ARHGAP26: variants seen among roughly 807,000 people sequenced by gnomAD.
ARHGAP26 encodes the protein rho GTPase-activating protein 26.
Under a neutral mutation model 104.8 loss-of-function variants are expected in ARHGAP26, and 38 were observed. The ratio of observed to expected loss-of-function variants is 0.36; its 90% confidence interval spans 0.28 to 0.48. ARHGAP26 has a LOEUF of 0.48. ARHGAP26 is among the 20% of genes least tolerant of loss of function. The pLI is 0.99. For synonymous variants in ARHGAP26, 341 were observed against 340.0 expected (o/e 1.00, Z -0.03); for missense variants, 704 against 947.9 (o/e 0.74, Z 3.38).
At chr5:142,947,649 AG>A (rs1320276968) in intron 11 of ARHGAP26, among the ~76,000 whole-genome samples, 3 of 152,184 alleles carry the variant, frequency 2.0e-5, no homozygotes, top group African/African-American at 7.2e-5. Flanking sequence ...ATTAACTTGG[AG>A]GCAATAAATT....
intron 1 of ARHGAP26, among the ~76,000 whole-genome samples, chr5:142,816,692 G>C (rs1001295641): frequency 6.6e-6 from 1 of 152,240 alleles, no homozygotes; most frequent in African/African-American, 2.4e-5. Flanking sequence ...TGCCTTGCAG[G>C]GAAGCAGTGG....
chr5:142,926,310 T>C (rs901704807), intron 10 of ARHGAP26, among the ~76,000 whole-genome samples: 5 of 152,156 alleles, frequency 3.3e-5, no homozygotes, highest in Admixed American at 3.3e-4. Context: ...TAGAGAAAAT[T>C]CCAGATCCTC....
intron 1 of ARHGAP26, among the ~76,000 whole-genome samples, chr5:142,849,598 C>T (rs1018125996): frequency 1.3e-5 from 2 of 152,138 alleles, no homozygotes; most frequent in African/African-American, 4.8e-5. Flanking sequence ...TGGGCTTCTC[C>T]TCCCCAACCA....
At chr5:143,023,218 G>A (rs2152839835) in intron 12 of ARHGAP26, among the ~76,000 whole-genome samples, 1 of 152,326 alleles carries the variant, frequency 6.6e-6, no homozygotes, top group African/African-American at 2.4e-5. Flanking sequence ...ACTCCCTGAT[G>A]GCGTTTTATT....
chr5:142,850,729 A>G (rs776907375), intron 1 of ARHGAP26, among the ~76,000 whole-genome samples: 61 of 152,314 alleles, frequency 4.0e-4, no homozygotes, highest in Non-Finnish European at 6.6e-4. Context: ...CTCCCTTCTC[A>G]TTAGGCTGCT....
At chr5:142,954,322 T>C (rs1768860557) in intron 11 of ARHGAP26, among the ~76,000 whole-genome samples, 1 of 152,256 alleles carries the variant, frequency 6.6e-6, no homozygotes, top group Non-Finnish European at 1.5e-5. Flanking sequence ...CAGAATTTTA[T>C]CTGAGCCTAC....
chr5:142,885,315 T>C lies in ARHGAP26; in HGVS notation c.402T>C (p.Tyr134=). Reference sequence around the variant, plus strand: ...TTTGCCAGGAAGCCAAAAAGAAGTATGACAAAGAGACAGAAAAGTATTGTG... The same window carrying C: ...TTTGCCAGGAAGCCAAAAAGAAGTACGACAAAGAGACAGAAAAGTATTGTG... ...IGAAKEAKKK[Y]DKETEKYCGI... Residue 134 remains tyrosine, a synonymous_variant, in exon 5 of 23, where the codon TAT becomes TAC. Coordinates refer to ENST00000645722, the MANE Select transcript of ARHGAP26 (RefSeq NM_001135608.3). 2 of 1,613,676 alleles carry C rather than the reference T, an allele frequency of 1.2e-6. No homozygotes were observed. The highest frequency in any genetic ancestry group is 1.1e-5 in the South Asian group (1 of 91,030).
intron 9 of ARHGAP26, among the ~76,000 whole-genome samples, chr5:142,911,734 G>A (rs1384865002): frequency 6.6e-6 from 1 of 152,178 alleles, no homozygotes; most frequent in Non-Finnish European, 1.5e-5. Context: ...GACACCTCAT[G>A]TAATCTTTCA....
In ARHGAP26 at chr5:142,793,065, A is replaced by G. The variant is rs137962553; in HGVS notation, c.154+22150A>G. Among the ~76,000 whole-genome samples, 12 of 152,156 alleles carry G rather than the reference A, an allele frequency of 7.9e-5. No homozygotes were observed. The East Asian group carries it at 1.7e-3, about 22-fold the overall frequency. ...GTCAGCTGCATTCTGCCAGCTTTGT[A>G]GAACAGCATGAATCCACTCCTGCCC... On this transcript the variant is annotated intron_variant, in intron 1 of 22. Transcript: ENST00000645722.
chr5:142,789,063 G>A (rs1759251513), intron 1 of ARHGAP26, among the ~76,000 whole-genome samples: 1 of 152,156 alleles, frequency 6.6e-6, no homozygotes, highest in African/African-American at 2.4e-5. Flanking sequence ...TGGAACTATT[G>A]TTATACTGCT....
chr5:142,792,262 C>T (rs1165896235), intron 1 of ARHGAP26, among the ~76,000 whole-genome samples: 1 of 152,164 alleles, frequency 6.6e-6, no homozygotes, highest in Non-Finnish European at 1.5e-5. Flanking sequence ...TGGATAGTTC[C>T]ACATGCATAA....
intron 12 of ARHGAP26, among the ~76,000 whole-genome samples, chr5:143,036,653 G>A (rs2152876390): frequency 6.6e-6 from 1 of 152,266 alleles, no homozygotes; most frequent in South Asian, 2.1e-4. Context: ...AAGTCTCCAT[G>A]TATTGGCTCT....
chr5:143,030,550 G>A (rs1781694985), intron 12 of ARHGAP26, among the ~76,000 whole-genome samples: 2 of 152,220 alleles, frequency 1.3e-5, no homozygotes, highest in African/African-American at 4.8e-5. Context: ...AGGAAGGAAG[G>A]AAGTGGTTAG....
At chr5:142,845,194 G>T (rs1378914817) in intron 1 of ARHGAP26, among the ~76,000 whole-genome samples, 1 of 152,162 alleles carries the variant, frequency 6.6e-6, no homozygotes, top group African/African-American at 2.4e-5. Context: ...AGGAGAGGGA[G>T]CAGCAAAGAC....
rs1221089293 is a variant in ARHGAP26 at position 143,105,462 on chromosome 5, C to T, written c.1539-15526C>T. 2.4e-4 allele frequency among the ~76,000 whole-genome samples: 37 copies of T among 151,762 alleles called. 1 individual carries two copies. Among genetic ancestry groups the T allele is most frequent in the Admixed American group, 2.4e-3 (36 of 15,244 alleles). On this transcript the variant is annotated intron_variant, in intron 17 of 22. Transcript: ENST00000645722. Reference sequence around the variant, plus strand: ...AACCTAAAGACCAAACTGACATTAGCTAATGTCATTACATGATTCTGTCTT... The same window carrying T: ...AACCTAAAGACCAAACTGACATTAGTTAATGTCATTACATGATTCTGTCTT...
At chr5:143,216,633 G>T (rs940685473) in intron 22 of ARHGAP26, 1 of 203,638 alleles carries the variant, frequency 4.9e-6, no homozygotes, top group Non-Finnish European at 1.0e-5. Flanking sequence ...AGGAAAGTTT[G>T]GTTGAGTGAG....
At chr5:142,799,082 G>A (rs1027687799) in intron 1 of ARHGAP26, among the ~76,000 whole-genome samples, 1 of 152,126 alleles carries the variant, frequency 6.6e-6, no homozygotes, top group African/African-American at 2.4e-5. Flanking sequence ...AACAGACATC[G>A]CTAATTTGGT....
intron 20 of ARHGAP26, among the ~76,000 whole-genome samples, chr5:143,198,665 T>C (rs149864179): frequency 2.8e-3 from 419 of 152,330 alleles, no homozygotes; most frequent in African/African-American, 9.7e-3. Flanking sequence ...AAGATTCGGA[T>C]TATTGACTTG....
At chr5:142,851,666 G>A (rs534039505) in intron 1 of ARHGAP26, among the ~76,000 whole-genome samples, 23 of 152,200 alleles carry the variant, frequency 1.5e-4, no homozygotes, top group African/African-American at 5.3e-4. Flanking sequence ...TAATCCTTTA[G>A]GCCCTATGTG....
Sources: gnomAD v4.1 joint callset for allele counts (sites outside exome capture counted in the v4.1 genomes callset) on GRCh38, gnomAD v4.1.1 for gene constraint, MANE v1.5 for transcripts, NCBI Gene and HGNC (gene_info 2026-07-23, HGNC 2026-07-21) for gene names.